The following WWOX variants were observed in gnomAD, a reference collection of about 807,000 sequenced individuals.
WWOX encodes the protein WW domain containing oxidoreductase, also known as WW domain-containing oxidoreductase.
WWOX carries 69 observed loss-of-function variants against 46.2 expected under a neutral mutation model. The observed-to-expected ratio is 1.49, with a 90% CI of 1.23 to 1.82. WWOX has a LOEUF of 1.82. Among genes scored for constraint, WWOX ranks in the 40% most tolerant of loss-of-function variants. The pLI, the probability that WWOX is intolerant of heterozygous loss-of-function variation, is 0.00. For synonymous variants in WWOX, 359 were observed against 202.6 expected (o/e 1.77, Z -6.56); for missense variants, 919 against 542.6 (o/e 1.69, Z -6.89).
chr16:78,669,838 A>G (rs552604517), intron 8 of WWOX, among the ~76,000 whole-genome samples: 5 of 152,292 alleles, frequency 3.3e-5, no homozygotes, highest in African/African-American at 7.2e-5. Context: ...ATAATCTCTA[A>G]TAAGATGTTT....
chr16:78,410,660 G>A (rs2082657742), intron 6 of WWOX, among the ~76,000 whole-genome samples: 1 of 151,876 alleles, frequency 6.6e-6, no homozygotes. Flanking sequence ...ACAAAAATTA[G>A]TTGGGCATGG....
intron 8 of WWOX, among the ~76,000 whole-genome samples, chr16:78,658,652 G>A (rs944220154): frequency 1.3e-5 from 2 of 152,100 alleles, no homozygotes; most frequent in African/African-American, 2.4e-5. Flanking sequence ...CTCCGCCTCC[G>A]CCTTCACATG....
intron 5 of WWOX, among the ~76,000 whole-genome samples, chr16:78,326,590 G>A (rs7191828): frequency 4.2e-5 from 1 of 23,646 alleles, no homozygotes; most frequent in East Asian, 1.1e-3. Flanking sequence ...CCCCCCCCCC[G>A]CAATGCCTCA....
At chr16:78,143,430 G>A (rs1437340668) in intron 4 of WWOX, among the ~76,000 whole-genome samples, 4 of 152,134 alleles carry the variant, frequency 2.6e-5, no homozygotes, top group African/African-American at 4.8e-5. Flanking sequence ...ATTGTGGCAC[G>A]TGGACCAAAT....
At chr16:78,610,027 C>G (rs1279033197) in intron 8 of WWOX, among the ~76,000 whole-genome samples, 1 of 145,900 alleles carries the variant, frequency 6.9e-6, no homozygotes, top group Non-Finnish European at 1.5e-5. Context: ...GGTAGCTCTG[C>G]GAATCCGCTG....
At chr16:78,985,443 C>T (rs570906670) in intron 8 of WWOX, among the ~76,000 whole-genome samples, 2 of 152,198 alleles carry the variant, frequency 1.3e-5, no homozygotes, top group African/African-American at 4.8e-5. Flanking sequence ...GTACAGATCT[C>T]TCCCTGTCAC....
At chr16:79,157,843 A>G (rs1318011111) in intron 8 of WWOX, among the ~76,000 whole-genome samples, 3 of 152,198 alleles carry the variant, frequency 2.0e-5, no homozygotes, top group Non-Finnish European at 4.4e-5. Context: ...TGAACGAGGC[A>G]GGGTAAGTAG....
intron 7 of WWOX, among the ~76,000 whole-genome samples, chr16:78,430,979 A>G (rs1318757778): frequency 6.6e-6 from 1 of 152,188 alleles, no homozygotes; most frequent in Admixed American, 6.5e-5. Flanking sequence ...GCAGTTATCT[A>G]GAGGATTCCC....
At chr16:78,678,179 C>T (rs1314022374) in intron 8 of WWOX, among the ~76,000 whole-genome samples, 4 of 152,098 alleles carry the variant, frequency 2.6e-5, no homozygotes, top group African/African-American at 9.7e-5. Context: ...GTACCAGTGG[C>T]CTTACGTGGC....
intron 8 of WWOX, among the ~76,000 whole-genome samples, chr16:78,725,305 G>T (rs534731472): frequency 1.7e-4 from 25 of 145,118 alleles, no homozygotes; most frequent in African/African-American, 6.3e-4. Context: ...CCAGTCTCAG[G>T]TATGTCTTTT....
intron 8 of WWOX, among the ~76,000 whole-genome samples, chr16:78,988,170 C>G (rs141887488): frequency 1.2e-4 from 18 of 151,812 alleles, no homozygotes; most frequent in African/African-American, 4.1e-4. Context: ...TGGTGAAACC[C>G]CGTCTCTACT....
chr16:79,107,918 T>G (rs758454450), intron 8 of WWOX, among the ~76,000 whole-genome samples: 5 of 152,204 alleles, frequency 3.3e-5, no homozygotes, highest in Admixed American at 6.5e-5. Flanking sequence ...GGAAAATGAT[T>G]AGGGACATGG....
chr16:79,194,797 C>T (rs2051206470), intron 8 of WWOX, among the ~76,000 whole-genome samples: 2 of 152,136 alleles, frequency 1.3e-5, no homozygotes, highest in Non-Finnish European at 2.9e-5. Flanking sequence ...ATTATACATT[C>T]AGTAGAGTTT....
At chr16:78,940,061 C>A (rs1221809723) in intron 8 of WWOX, among the ~76,000 whole-genome samples, 4 of 152,160 alleles carry the variant, frequency 2.6e-5, no homozygotes, top group Admixed American at 2.6e-4. Context: ...TTACTTTCAT[C>A]CCATTATACA....
chr16:78,273,785 G>C (rs1017641756), intron 5 of WWOX, among the ~76,000 whole-genome samples: 6 of 152,244 alleles, frequency 3.9e-5, no homozygotes, highest in African/African-American at 1.4e-4. Context: ...CAGAAGGCTA[G>C]TTTGGGACTT....
At chr16:78,560,515 A>G (rs1410029471) in intron 8 of WWOX, among the ~76,000 whole-genome samples, 1 of 152,096 alleles carries the variant, frequency 6.6e-6, no homozygotes, top group Non-Finnish European at 1.5e-5. Flanking sequence ...GTGGCGGTGC[A>G]TGCCTGTAAT....
intron 5 of WWOX, among the ~76,000 whole-genome samples, chr16:78,202,411 G>T (rs935074860): frequency 6.6e-6 from 1 of 152,158 alleles, no homozygotes; most frequent in African/African-American, 2.4e-5. Context: ...CGTCGATCTG[G>T]CTTTATCCAT....
intron 8 of WWOX, among the ~76,000 whole-genome samples, chr16:78,881,253 C>T (rs1399445443): frequency 1.3e-5 from 2 of 152,138 alleles, no homozygotes; most frequent in Non-Finnish European, 1.5e-5. Context: ...ATTCACGTGC[C>T]TCAGCCTCCC....
intron 8 of WWOX, among the ~76,000 whole-genome samples, chr16:78,959,027 C>T (rs976813538): frequency 1.3e-5 from 2 of 152,140 alleles, no homozygotes; most frequent in Admixed American, 6.5e-5. Context: ...AACAGCAAGA[C>T]ATTTAATATT....
Sources: allele counts gnomAD v4.1 joint callset (sites outside exome capture counted in the v4.1 genomes callset), GRCh38; gene constraint gnomAD v4.1.1; transcripts MANE v1.5; gene names NCBI Gene and HGNC (gene_info 2026-07-23, HGNC 2026-07-21).